Variants in CDH12 observed in about 807,000 individuals in gnomAD.
CDH12 encodes the protein cadherin 12, also known as cadherin-12.
CDH12 carries 41 observed loss-of-function variants against 74.1 expected under a neutral mutation model. The ratio of observed to expected loss-of-function variants is 0.55; its 90% CI spans 0.43 to 0.72. The LOEUF (loss-of-function observed/expected upper bound fraction) is 0.72, where lower values mean the gene tolerates loss of function less well. CDH12 is among the 30% of genes least tolerant of loss of function. CDH12 has a pLI of 0.00. For synonymous variants in CDH12, 399 were observed against 355.0 expected, an observed-to-expected ratio of 1.12 and a Z score of -1.39; for missense variants, 945 against 977.2, an observed-to-expected ratio of 0.97 and a Z score of 0.44.
At chr5:22,163,613 T>G (rs1312128070) in intron 4 of CDH12, among the ~76,000 whole-genome samples, 1 of 152,194 alleles carries the variant, frequency 6.6e-6, no homozygotes, top group Non-Finnish European at 1.5e-5. Flanking sequence ...AATTTGAACA[T>G]TTTCACCATC....
chr5:22,108,763 A>C (rs1744648642), intron 4 of CDH12, among the ~76,000 whole-genome samples: 1 of 152,126 alleles, frequency 6.6e-6, no homozygotes, highest in African/African-American at 2.4e-5. Context: ...GATGACAAAT[A>C]ATGACAGGTT....
intron 3 of CDH12, among the ~76,000 whole-genome samples, chr5:22,289,006 C>G (rs1324970874): frequency 6.6e-6 from 1 of 152,006 alleles, no homozygotes; most frequent in Admixed American, 6.6e-5. Context: ...TAGCAAGACT[C>G]CATCTATAAA....
At chr5:21,807,210 G>T (rs1185044185) in intron 9 of CDH12, among the ~76,000 whole-genome samples, 1 of 151,344 alleles carries the variant, frequency 6.6e-6, no homozygotes, top group Non-Finnish European at 1.5e-5. Context: ...GACTCAGCAT[G>T]GGGGGGACTG....
chr5:22,588,902 T>C (rs1740542968), intron 1 of CDH12, among the ~76,000 whole-genome samples: 1 of 152,158 alleles, frequency 6.6e-6, no homozygotes, highest in South Asian at 2.1e-4. Flanking sequence ...AATTTTTTCT[T>C]TTCTTTGTAA....
chr5:22,565,785 G>A (rs1244591949), intron 1 of CDH12, among the ~76,000 whole-genome samples: 3 of 152,068 alleles, frequency 2.0e-5, no homozygotes, highest in Admixed American at 6.5e-5. Flanking sequence ...GCTGTGATCT[G>A]TAGTCTCCTA....
chr5:21,903,717 G>A (rs377130808), intron 6 of CDH12, among the ~76,000 whole-genome samples: 78 of 152,026 alleles, frequency 5.1e-4, no homozygotes, highest in South Asian at 4.2e-3. Flanking sequence ...TGGATCAGCC[G>A]AGAGAAAAAT....
At chr5:22,289,821 T>C (rs1022784751) in intron 3 of CDH12, among the ~76,000 whole-genome samples, 12 of 152,250 alleles carry the variant, frequency 7.9e-5, no homozygotes, top group African/African-American at 2.4e-4. Context: ...CACATTATCA[T>C]GCCCCATATT....
chr5:22,658,586 C>T (rs750760582), intron 1 of CDH12, among the ~76,000 whole-genome samples: 40 of 152,010 alleles, frequency 2.6e-4, no homozygotes, highest in Non-Finnish European at 4.4e-4. Flanking sequence ...CTACATTTTA[C>T]TTTTTGCTTG....
At chr5:22,198,866 C>T (rs1190771894) in intron 4 of CDH12, among the ~76,000 whole-genome samples, 7 of 140,660 alleles carry the variant, frequency 5.0e-5, no homozygotes, top group African/African-American at 1.2e-4. Flanking sequence ...TTAACAAACC[C>T]GACATTTTTT....
chr5:22,820,983 C>A (rs1010316505), intron 1 of CDH12, among the ~76,000 whole-genome samples: 14 of 152,074 alleles, frequency 9.2e-5, no homozygotes, highest in African/African-American at 3.4e-4. Context: ...CAAAAATCCT[C>A]AATAAAATAC....
chr5:22,499,671 T>C (rs1012169652), intron 2 of CDH12, among the ~76,000 whole-genome samples: 9 of 152,164 alleles, frequency 5.9e-5, no homozygotes, highest in Admixed American at 4.6e-4. Flanking sequence ...GAAAAGATGG[T>C]TATTCGTCCC....
intron 6 of CDH12, among the ~76,000 whole-genome samples, chr5:21,920,750 G>A (rs1440081641): frequency 1.3e-5 from 2 of 151,694 alleles, no homozygotes; most frequent in Admixed American, 6.6e-5. Flanking sequence ...GAGAAACAAC[G>A]TAACATCTTA....
chr5:21,758,837 A>C (rs1744550103), intron 13 of CDH12, among the ~76,000 whole-genome samples: 1 of 152,292 alleles, frequency 6.6e-6, no homozygotes, highest in South Asian at 2.1e-4. Flanking sequence ...TGCATCTGGA[A>C]GACATTATCC....
intron 2 of CDH12, among the ~76,000 whole-genome samples, chr5:22,441,398 C>T (rs182222866): frequency 1.3e-5 from 2 of 151,934 alleles, no homozygotes; most frequent in Admixed American, 1.3e-4. Context: ...TTGGTATGTC[C>T]AAGACATGAA....
intron 5 of CDH12, among the ~76,000 whole-genome samples, chr5:22,025,958 T>G (rs540443902): frequency 2.6e-4 from 40 of 151,720 alleles, no homozygotes; most frequent in African/African-American, 9.0e-4. Context: ...GCAATTTTTA[T>G]CACATCTGTA....
chr5:22,551,724 TAAAA>T (rs771111022), intron 1 of CDH12, among the ~76,000 whole-genome samples: 1 of 144,924 alleles, frequency 6.9e-6, no homozygotes, highest in Non-Finnish European at 1.5e-5. Flanking sequence ...CAACCCATTA[TAAAA>T]AAAATAAATA....
chr5:22,541,881 G>T (rs1242566156), intron 1 of CDH12, among the ~76,000 whole-genome samples: 1 of 152,132 alleles, frequency 6.6e-6, no homozygotes, highest in African/African-American at 2.4e-5. Context: ...AATGCTTCCA[G>T]GACTTGAACC....
At chr5:22,477,220 G>A (rs188601660) in intron 2 of CDH12, among the ~76,000 whole-genome samples, 2 of 152,196 alleles carry the variant, frequency 1.3e-5, no homozygotes, top group East Asian at 3.9e-4. Flanking sequence ...CCCCTTAGAC[G>A]TTTTCCCAAT....
chr5:22,130,924 G>A (rs1361508078), intron 4 of CDH12, among the ~76,000 whole-genome samples: 2 of 151,478 alleles, frequency 1.3e-5, no homozygotes, highest in Admixed American at 1.3e-4. Flanking sequence ...TTTTGTATAA[G>A]TGACATCATA....
Sources: gnomAD v4.1 joint callset for allele counts (sites outside exome capture counted in the v4.1 genomes callset) on GRCh38, gnomAD v4.1.1 for gene constraint, MANE v1.5 for transcripts, NCBI Gene and HGNC (gene_info 2026-07-23, HGNC 2026-07-21) for gene names.